The following CADM2 variants were observed in gnomAD, a reference collection of about 807,000 sequenced individuals.
The protein encoded by CADM2 is cell adhesion molecule 2.
CADM2 carries 12 observed loss-of-function variants against 49.8 expected under a neutral mutation model. That is an observed-to-expected ratio of 0.24 (90% CI 0.15 to 0.39). The LOEUF is 0.39. Ranked by LOEUF, CADM2 falls within the 10% of genes least tolerant of loss-of-function variation. The pLI is 1.00. For synonymous variants in CADM2, 214 were observed against 175.4 expected (o/e 1.22, Z -1.74); for missense variants, 378 against 492.3 (o/e 0.77, Z 2.20).
intron 1 of CADM2, among the ~76,000 whole-genome samples, chr3:84,998,521 T>C (rs1298409931): frequency 1.3e-5 from 2 of 152,184 alleles, no homozygotes; most frequent in African/African-American, 4.8e-5. Flanking sequence ...ATGCAATTAC[T>C]GATCAAAATG....
intron 2 of CADM2, among the ~76,000 whole-genome samples, chr3:85,758,297 C>A (rs964476327): frequency 2.0e-5 from 3 of 152,064 alleles, no homozygotes; most frequent in African/African-American, 7.2e-5. Flanking sequence ...AGATGGCACT[C>A]AGTGATGCTG....
chr3:85,808,606 C>T (rs897165140), intron 3 of CADM2, among the ~76,000 whole-genome samples: 4 of 152,102 alleles, frequency 2.6e-5, no homozygotes, highest in African/African-American at 9.7e-5. Context: ...TCCAGGAGCC[C>T]ATAACACACA....
intron 2 of CADM2, among the ~76,000 whole-genome samples, chr3:85,768,507 T>G (rs1046085890): frequency 7.1e-6 from 1 of 140,112 alleles, no homozygotes; most frequent in Non-Finnish European, 1.6e-5. Flanking sequence ...ACTTTTTTTT[T>G]TATCTAACTG....
intron 1 of CADM2, among the ~76,000 whole-genome samples, chr3:85,672,190 T>C (rs977689973): frequency 7.8e-6 from 1 of 128,210 alleles, no homozygotes; most frequent in African/African-American, 2.7e-5. Context: ...TTCTAGGATG[T>C]CTTTTTTTTT....
intron 1 of CADM2, among the ~76,000 whole-genome samples, chr3:85,116,111 G>A (rs2038628996): frequency 1.3e-5 from 2 of 152,286 alleles, no homozygotes; most frequent in South Asian, 4.1e-4. Flanking sequence ...CAGATTACTT[G>A]AGGTCAAGAG....
intron 1 of CADM2, among the ~76,000 whole-genome samples, chr3:85,646,438 T>A (rs2064888464): frequency 6.6e-6 from 1 of 151,964 alleles, no homozygotes; most frequent in Non-Finnish European, 1.5e-5. Context: ...CAGGGTGATT[T>A]TCTCTAAAAA....
chr3:85,103,505 A>G (rs984001660), intron 1 of CADM2, among the ~76,000 whole-genome samples: 1 of 152,100 alleles, frequency 6.6e-6, no homozygotes, highest in Non-Finnish European at 1.5e-5. Context: ...TACTATGTAT[A>G]AGAAAATGGC....
intron 1 of CADM2, among the ~76,000 whole-genome samples, chr3:85,107,993 A>T (rs1030604576): frequency 1.3e-5 from 2 of 152,036 alleles, no homozygotes; most frequent in Non-Finnish European, 2.9e-5. Flanking sequence ...TGAGCCTGTT[A>T]TCATGGTAGG....
At chr3:85,119,894 C>T (rs955946563) in intron 1 of CADM2, among the ~76,000 whole-genome samples, 1 of 152,222 alleles carries the variant, frequency 6.6e-6, no homozygotes, top group South Asian at 2.1e-4. Context: ...TCAGAGTGAA[C>T]AGGCAACCTA....
rs111496762 is a variant in CADM2, at chr3:85,180,589, A to T, written c.61+220921A>T. On this transcript the variant is annotated intron_variant, in intron 1 of 9. Coordinates refer to ENST00000383699, the MANE Select transcript of CADM2 (RefSeq NM_001167675.2). ...CCTTCTCTCTTGTCCACTTCTAAAG[A>T]CTTAAATGCTATTTACTCTTAATTT... 2.0e-3 allele frequency among the ~76,000 whole-genome samples: 302 copies of T among 151,596 alleles called. 1 individual carries two copies. Among genetic ancestry groups the T allele is most frequent in the African/African-American group, 7.0e-3 (288 of 41,388 alleles).
chr3:86,049,229 G>T (rs1254082250), intron 8 of CADM2, among the ~76,000 whole-genome samples: 2 of 151,862 alleles, frequency 1.3e-5, no homozygotes, highest in Non-Finnish European at 2.9e-5. Context: ...TTGCTATACA[G>T]AAAGACCTAA....
At chr3:85,869,808 G>A (rs907017429) in intron 3 of CADM2, among the ~76,000 whole-genome samples, 1 of 152,086 alleles carries the variant, frequency 6.6e-6, no homozygotes, top group Non-Finnish European at 1.5e-5. Context: ...ACAGGTGCCC[G>A]CCACCACGGG....
chr3:85,125,356 T>C (rs766362736), intron 1 of CADM2, among the ~76,000 whole-genome samples: 4 of 152,038 alleles, frequency 2.6e-5, no homozygotes, highest in African/African-American at 4.8e-5. Flanking sequence ...AGAGGAGACA[T>C]TCGTGAACTT....
At chr3:85,157,787 C>G (rs1229045187) in intron 1 of CADM2, among the ~76,000 whole-genome samples, 17 of 152,198 alleles carry the variant, frequency 1.1e-4, no homozygotes, top group Non-Finnish European at 2.4e-4. Flanking sequence ...TGGGCAAGGA[C>G]TTCATGTCTA....
intron 1 of CADM2, among the ~76,000 whole-genome samples, chr3:85,071,976 A>C (rs915479162): frequency 1.3e-5 from 2 of 150,378 alleles, no homozygotes; most frequent in African/African-American, 4.9e-5. Flanking sequence ...TATAATACAA[A>C]TATATATATA....
At chr3:85,907,495 C>G (rs1211540692) in intron 5 of CADM2, among the ~76,000 whole-genome samples, 1 of 152,118 alleles carries the variant, frequency 6.6e-6, no homozygotes, top group Non-Finnish European at 1.5e-5. Context: ...GTTTCTAAAT[C>G]CTGCCTTGTT....
intron 8 of CADM2, among the ~76,000 whole-genome samples, chr3:86,017,637 G>C (rs1364023200): frequency 6.6e-6 from 1 of 150,748 alleles, no homozygotes; most frequent in Non-Finnish European, 1.5e-5. Flanking sequence ...GCTGAGGTAG[G>C]AAAGTCACTT....
intron 1 of CADM2, among the ~76,000 whole-genome samples, chr3:85,660,496 TAAAA>T (rs2065369062): frequency 6.6e-6 from 1 of 151,970 alleles, no homozygotes; most frequent in Admixed American, 6.6e-5. Flanking sequence ...AGAAATGCTT[TAAAA>T]GAGTTCTTTT....
At chr3:84,971,878 G>A (rs2107094435) in intron 1 of CADM2, among the ~76,000 whole-genome samples, 1 of 152,118 alleles carries the variant, frequency 6.6e-6, no homozygotes, top group South Asian at 2.1e-4. Flanking sequence ...ATGGAGTATA[G>A]AGGTGGATTG....
Sources: gnomAD v4.1 joint callset for allele counts (sites outside exome capture counted in the v4.1 genomes callset) on GRCh38, gnomAD v4.1.1 for gene constraint, MANE v1.5 for transcripts, NCBI Gene and HGNC (gene_info 2026-07-23, HGNC 2026-07-21) for gene names.